Variants in LPIN3 observed in about 807,000 individuals in gnomAD.
LPIN3 encodes lipin 3, also known as phosphatidate phosphatase LPIN3.
A neutral mutation model predicts 94.7 loss-of-function variants in LPIN3; 82 were observed. The ratio of observed to expected loss-of-function variants is 0.87; its 90% confidence interval spans 0.72 to 1.04. The LOEUF (loss-of-function observed/expected upper bound fraction) is 1.04, where lower values mean the gene tolerates loss of function less well. Ranked by LOEUF, LPIN3 falls within the 50% of genes least tolerant of loss-of-function variation. The probability of loss-of-function intolerance (pLI) is 0.00; values close to 1 mark genes in which losing one functional copy is unlikely to be tolerated. For synonymous variants in LPIN3, 418 were observed against 443.3 expected (o/e 0.94, Z 0.72); for missense variants, 996 against 1,090.5 (o/e 0.91, Z 1.22).
chr20:41,345,400 A>G (rs1331857147), intron 1 of LPIN3, among the ~76,000 whole-genome samples: 1 of 152,234 alleles, frequency 6.6e-6, no homozygotes, highest in African/African-American at 2.4e-5. Flanking sequence ...GTAAACAGGA[A>G]TAATGACACC....
intron 2 of LPIN3, 134 bp downstream of exon 2, chr20:41,346,129 T>C (rs1248379300): frequency 1.1e-6 from 1 of 943,584 alleles, no homozygotes; most frequent in Admixed American, 2.9e-5. Context: ...TTCCCTTCAT[T>C]TGTACTTTCT....
rs1332370875 is a variant in LPIN3 at position 41,350,341 on chromosome 20, C to A, written c.1046C>A (p.Ala349Asp). 2.5e-6 allele frequency: 4 copies of A among 1,606,534 alleles called. No individual in the cohort carries two copies. The highest frequency in any genetic ancestry group is 3.4e-6 in the Non-Finnish European group (4 of 1,174,804). Residue 349 changes from alanine (A) to aspartate (D), a missense_variant, in exon 7 of 20, where the codon GCC becomes GAC. Physicochemically the swap from Ala to Asp is moderately radical, Grantham distance 126. Coordinates refer to ENST00000373257, the MANE Select transcript of LPIN3 (RefSeq NM_022896.3). ...CCTGCCTCCAAGTCATGGAGCTGGG[C>A]CACTCTGGAGGTTCCAGTTCCCACC... ...LPPASKSWSW[A>D]TLEVPVPTGQ...
At chr20:41,342,912 C>G (rs908761098) in intron 1 of LPIN3, among the ~76,000 whole-genome samples, 3 of 152,170 alleles carry the variant, frequency 2.0e-5, no homozygotes, top group Non-Finnish European at 2.9e-5. Context: ...GAGAATACTC[C>G]AGGGCTGGAT....
At chr20:41,347,522 C>T (rs765356896) in intron 2 of LPIN3, 30 bp from the exon 3 acceptor site, 2 of 1,606,426 alleles carry the variant, frequency 1.2e-6, no homozygotes, top group South Asian at 1.1e-5. Context: ...CGTGAAGGCC[C>T]ATGTCCCTGC....
At chr20:41,344,875 C>T (rs756339809) in intron 1 of LPIN3, among the ~76,000 whole-genome samples, 13 of 152,170 alleles carry the variant, frequency 8.5e-5, no homozygotes, top group Non-Finnish European at 1.8e-4. Context: ...GCCTGGACAC[C>T]GCTGGGGTCA....
intron 14 of LPIN3, among the ~76,000 whole-genome samples, chr20:41,356,497 C>A (rs551835591): frequency 2.0e-5 from 3 of 152,188 alleles, no homozygotes; most frequent in Non-Finnish European, 4.4e-5. Context: ...GGCTGACCAG[C>A]CAGTACAAAG....
chr20:41,345,306 G>A (rs1389569830), intron 1 of LPIN3, among the ~76,000 whole-genome samples: 1 of 152,148 alleles, frequency 6.6e-6, no homozygotes, highest in African/African-American at 2.4e-5. Flanking sequence ...CACAAACCTG[G>A]GTTCAGATCT....
At chr20:41,355,118 G>A (rs554731095) in intron 13 of LPIN3, among the ~76,000 whole-genome samples, 4 of 152,184 alleles carry the variant, frequency 2.6e-5, no homozygotes, top group Non-Finnish European at 5.9e-5. Context: ...GGGTTCAAGC[G>A]ATTTTCCTGC....
chr20:41,349,710 G>A (rs1420755103), intron 5 of LPIN3, 64 bp from the exon 6 acceptor site: 3 of 1,550,334 alleles, frequency 1.9e-6, no homozygotes, highest in African/African-American at 2.8e-5. Context: ...TTTTTCCCTG[G>A]CTGGGGTGGG....
chr20:41,347,785 A>C (rs2045840558), intron 3 of LPIN3, 138 bp downstream of exon 3: 1 of 718,758 alleles, frequency 1.4e-6, no homozygotes, highest in Non-Finnish European at 2.3e-6. Context: ...CAGGGGTATC[A>C]GTTGGGGCTG....
chr20:41,358,065 C>G (rs773972438), intron 17 of LPIN3, 31 bp downstream of exon 17: 1 of 1,572,942 alleles, frequency 6.4e-7, no homozygotes, highest in East Asian at 2.2e-5. Flanking sequence ...AAGCCCGTGG[C>G]CCCCTGGTGG....
chr20:41,345,702 T>C lies in LPIN3; in HGVS notation c.-8-94T>C. The stretch of plus-strand genomic sequence containing the variant: ...AAGGCACTCCAAGGCGTGACACAAA[T>C]GTAAACTTGGGGGTCTGTGTGGTCA... On this transcript the variant is annotated intron_variant, in intron 1 of 19. Transcript: ENST00000373257. 1.5e-6 allele frequency: 2 copies of C among 1,338,278 alleles called. 1 individual carries two copies. Among genetic ancestry groups the C allele is most frequent in the South Asian group, 2.8e-5 (2 of 71,304 alleles). 82.9% of individuals were successfully genotyped at this position (1,338,278 alleles called of 1,614,324 possible). A position where few individuals can be genotyped will look rare whatever the true frequency, so the allele number is the denominator to read the frequency against.
At chr20:41,358,071 G>A (rs1227847690) in intron 17 of LPIN3, 37 bp downstream of exon 17, 6 of 1,570,390 alleles carry the variant, frequency 3.8e-6, no homozygotes, top group Non-Finnish European at 5.2e-6. Context: ...GTGGCCCCCT[G>A]GTGGGGAAAG....
Position 41,345,872 on chromosome 20 carries a change from C to A in LPIN3, c.69C>A (p.Asn23Lys). 1 of 1,614,218 alleles carries A rather than the reference C, an allele frequency of 6.2e-7. No homozygotes were observed. The highest frequency in any genetic ancestry group is 8.5e-7 in the Non-Finnish European group (1 of 1,180,058). Residue 23 changes from asparagine (N) to lysine (K), a missense_variant, in exon 2 of 20, where the codon AAC becomes AAA. By Grantham distance (94) the Asn-to-Lys change is moderately conservative. Coordinates refer to ENST00000373257, the MANE Select transcript of LPIN3 (RefSeq NM_022896.3). ...TGAAGGAGCTGTACCGGGGCCTGAA[C>A]CCAGCCACACTGAGCGGCGGCATTG... ...GTVKELYRGL[N>K]PATLSGGIDV...
intron 12 of LPIN3, 28 bp from the exon 13 acceptor site, chr20:41,354,792 G>A: frequency 1.9e-6 from 3 of 1,612,676 alleles, no homozygotes; most frequent in Non-Finnish European, 2.5e-6. Flanking sequence ...CGGGAGGTGG[G>A]ATTCACTAAT....
Position 41,354,726 on chromosome 20 carries a change from C to G in LPIN3, c.1609C>G (p.Leu537Val), listed in dbSNP as rs752495105. The G allele has an allele frequency of 6.2e-7, 1 of 1,607,660 alleles. No individual in the cohort carries two copies. Among genetic ancestry groups the G allele is most frequent in the African/African-American group, 1.3e-5 (1 of 74,818 alleles). ...WWFSWRRRDF[L>V]AEERSAQKEK... ...GTTTTCCTGGCGACGCAGGGACTTCCTGGCCGAGGAGGTGGGTGGTCACAG... is the reference window on the plus strand; with the variant it reads ...GTTTTCCTGGCGACGCAGGGACTTCGTGGCCGAGGAGGTGGGTGGTCACAG... The change falls in exon 12 of 20, where the codon CTG becomes GTG. Residue 537 changes from leucine (L) to valine (V), a missense_variant. Transcript: ENST00000373257.
chr20:41,358,910 G>C lies in LPIN3; in HGVS notation c.*44G>C. 1 of 1,607,596 alleles carries C rather than the reference G, an allele frequency of 6.2e-7. No homozygotes were observed. The highest frequency in any genetic ancestry group is 8.5e-7 in the Non-Finnish European group (1 of 1,176,724). ...CTCCTCCCTGGCCCGGCCCAGGACT[G>C]GCTAGGTGTCCTGGGGTATAGGAGG... On this transcript the variant is annotated 3_prime_UTR_variant, in exon 20 of 20. Coordinates refer to ENST00000373257, the MANE Select transcript of LPIN3 (RefSeq NM_022896.3).
At chr20:41,344,533 G>C (rs1239552862) in intron 1 of LPIN3, among the ~76,000 whole-genome samples, 1 of 152,242 alleles carries the variant, frequency 6.6e-6, no homozygotes, top group Non-Finnish European at 1.5e-5. Flanking sequence ...GGACAGTCTG[G>C]GTCTTGGCAG....
In LPIN3 at chr20:41,352,861, G is replaced by C. The variant is rs749965781; in HGVS notation, c.1521G>C (p.Leu507Phe). ...ILSLQAFQKNLPKSTMDKLER... is the reference protein window; with the variant it reads ...ILSLQAFQKNFPKSTMDKLER... The stretch of plus-strand genomic sequence containing the variant: ...CCCTGCAAGCCTTCCAGAAAAACTT[G>C]CCCAAGGTAATGGTTAGAGCACCAC... The change falls in exon 11 of 20, where the codon TTG becomes TTC. Residue 507 changes from leucine to phenylalanine, a missense_variant. By Grantham distance (22) the Leu-to-Phe change is conservative. Transcript: ENST00000373257. The C allele has an allele frequency of 1.2e-6, 2 of 1,614,082 alleles. No individual in the cohort carries two copies. The highest frequency in any genetic ancestry group is 2.7e-5 in the African/African-American group (2 of 74,930).
Sources: gnomAD v4.1 joint callset for allele counts (sites outside exome capture counted in the v4.1 genomes callset) on GRCh38, gnomAD v4.1.1 for gene constraint, MANE v1.5 for transcripts, NCBI Gene and HGNC (gene_info 2026-07-23, HGNC 2026-07-21) for gene names.